CD37: variants seen among roughly 807,000 people sequenced by gnomAD.
CD37 encodes CD37 molecule.
In CD37, 37 loss-of-function variants were observed where a neutral mutation model predicts 38.9. The observed-to-expected ratio is 0.95, with a 90% CI of 0.73 to 1.25. CD37 has a LOEUF of 1.25. Ranked by LOEUF, CD37 falls within the 50% of genes most tolerant of loss-of-function variation. The pLI, the probability that CD37 is intolerant of heterozygous loss-of-function variation, is 0.00. For synonymous variants in CD37, 146 were observed against 150.1 expected (o/e 0.97, Z 0.20); for missense variants, 351 against 360.1 (o/e 0.97, Z 0.20).
Position 49,335,897 on chromosome 19 carries a change from G to A in CD37, c.142+111G>A. The A allele has an allele frequency of 1.2e-6, 1 of 864,848 alleles. No individual in the cohort carries two copies. Among genetic ancestry groups the A allele is most frequent in the Non-Finnish European group, 1.9e-6 (1 of 524,664 alleles). The allele number at this position is 864,848 out of a possible 1,614,324, so 53.6% of individuals were successfully genotyped here. A position where few individuals can be genotyped will look rare whatever the true frequency, so the allele number is the denominator to read the frequency against. ...GCCCTACTCTGCAGGCAGGCTACAG[G>A]CTCCCATCCACTGCTCACCGGAGGC... On this transcript the variant is annotated intron_variant, in intron 2 of 7. Transcript: ENST00000323906. The surrounding 1 kb of genome is among the most constrained non-coding windows in gnomAD (Gnocchi z 4.6).
intron 4 of CD37, chr19:49,337,659 C>T: frequency 2.0e-6 from 3 of 1,518,380 alleles, no homozygotes; most frequent in South Asian, 1.2e-5. Flanking sequence ...GGGAGACAGG[C>T]ATAAACAGCT....
In CD37 at chr19:49,338,836, A is replaced by T. The variant is rs746341276; in HGVS notation, c.584A>T (p.Lys195Met). ...SATNDSTILD[K>M]VILPQLSRLG... ...ACCAACGACTCCACAATCCTAGATA[A>T]GGTGATCTTGCCCCAGCTCAGCAGG... Residue 195 changes from lysine (K) to methionine (M), a missense_variant, in exon 6 of 8, where the codon AAG (lysine) becomes ATG (methionine). Physicochemically the swap from Lys to Met is moderately conservative, Grantham distance 95. Transcript: ENST00000323906. This position sits in a 1 kb window ranked among gnomAD's most constrained non-coding sequence, Gnocchi z 5.0. The T allele has an allele frequency of 2.7e-5, 44 of 1,614,118 alleles. No homozygotes were observed. Among genetic ancestry groups the T allele is most frequent in the Admixed American group, 3.3e-5 (2 of 60,022 alleles).
chr19:49,339,491 T>C lies in CD37; in HGVS notation c.768+78T>C. The C allele has an allele frequency of 6.5e-7, 1 of 1,542,858 alleles. No homozygotes were observed. The highest frequency in any genetic ancestry group is 1.1e-5 in the South Asian group (1 of 89,170). On this transcript the variant is annotated intron_variant, in intron 7 of 7. Coordinates refer to ENST00000323906, the MANE Select transcript of CD37 (RefSeq NM_001774.3). The surrounding 1 kb of genome is among the most constrained non-coding windows in gnomAD (Gnocchi z 4.5). ...TGCCCTTCATTTCGCGTCCTTCGGTTGCCTGGGAAGGACGAGCTCAGGGCG... is the reference window on the plus strand; with the variant it reads ...TGCCCTTCATTTCGCGTCCTTCGGTCGCCTGGGAAGGACGAGCTCAGGGCG...
chr19:49,340,389 G>C lies in CD37; in HGVS notation c.*61G>C. 1.8e-6 allele frequency: 2 copies of C among 1,134,554 alleles called. No individual in the cohort carries two copies. Among genetic ancestry groups the C allele is most frequent in the South Asian group, 2.5e-5 (2 of 81,234 alleles). The allele number at this position is 1,134,554 out of a possible 1,614,324, so 70.3% of individuals were successfully genotyped here. ...CACGTGCGCTGGGCACTTCCCTGCTGCCTGTAAATATTTGTTTAATCCCCA... is the reference window on the plus strand; with the variant it reads ...CACGTGCGCTGGGCACTTCCCTGCTCCCTGTAAATATTTGTTTAATCCCCA... On this transcript the variant is annotated 3_prime_UTR_variant, in exon 8 of 8. Coordinates refer to ENST00000323906, the MANE Select transcript of CD37 (RefSeq NM_001774.3).
chr19:49,339,817 G>T lies in CD37; in HGVS notation c.768+404G>T. The T allele has an allele frequency of 7.4e-7, 1 of 1,345,970 alleles. No homozygotes were observed. The highest frequency in any genetic ancestry group is 9.6e-7 in the Non-Finnish European group (1 of 1,046,448). 83.4% of individuals were successfully genotyped at this position (1,345,970 alleles called of 1,614,324 possible). ...CAGTCTGTGGGGTGGCTGGGGCATG[G>T]CGGGTGCCTGCCCCAACTGGGGAGA... On this transcript the variant is annotated intron_variant, in intron 7 of 7. Coordinates refer to ENST00000323906, the MANE Select transcript of CD37 (RefSeq NM_001774.3). This position sits in a 1 kb window ranked among gnomAD's most constrained non-coding sequence, Gnocchi z 4.5.
chr19:49,339,537 C>A lies in CD37; in HGVS notation c.768+124C>A. ...GGGCGGAGCGCAGCCCACCCCGGCC[C>A]TCCCGCCGCTCCACCCAGCACCGGA... is the stretch of plus-strand genomic sequence containing the variant. On this transcript the variant is annotated intron_variant, in intron 7 of 7. Transcript: ENST00000323906. This position sits in a 1 kb window ranked among gnomAD's most constrained non-coding sequence, Gnocchi z 4.5. The A allele has an allele frequency of 6.8e-7, 1 of 1,469,286 alleles. No individual in the cohort carries two copies. Among genetic ancestry groups the A allele is most frequent in the African/African-American group, 1.4e-5 (1 of 72,016 alleles). The allele number at this position is 1,469,286 out of a possible 1,614,324, so 91.0% of individuals were successfully genotyped here. A position where few individuals can be genotyped will look rare whatever the true frequency, so the allele number is the denominator to read the frequency against.
Position 49,339,599 on chromosome 19 carries a change from G to T in CD37, c.768+186G>T. The T allele has an allele frequency of 6.9e-7, 1 of 1,442,224 alleles. No homozygotes were observed. The highest frequency in any genetic ancestry group is 9.1e-7 in the Non-Finnish European group (1 of 1,103,158). The allele number at this position is 1,442,224 out of a possible 1,614,324, so 89.3% of individuals were successfully genotyped here. On this transcript the variant is annotated intron_variant, in intron 7 of 7. Transcript: ENST00000323906. This position sits in a 1 kb window ranked among gnomAD's most constrained non-coding sequence, Gnocchi z 4.5. Reference sequence around the variant, plus strand: ...GCCCAGCTTCAGGGAGCCCTGATTGGGTGTACGCAGGGAAAGCCTCCTGCT... The same window carrying T: ...GCCCAGCTTCAGGGAGCCCTGATTGTGTGTACGCAGGGAAAGCCTCCTGCT...
chr19:49,336,987 T>C lies in CD37; in HGVS notation c.221T>C (p.Leu74Pro), dbSNP rs147261609. Residue 74 changes from leucine (L) to proline (P), a missense_variant, in exon 3 of 8, where the codon CTG becomes CCG. Leu to Pro is a moderately conservative substitution (Grantham distance 98). Transcript: ENST00000323906. The part of the protein sequence containing the change: ...SGIFTMGIAL[L>P]GCVGALKELR... The stretch of plus-strand genomic sequence containing the variant: ...ATCTTCACCATGGGCATCGCCCTCC[T>C]GGGTTGTGTGGGGGCCCTCAAGGAG... The C allele has an allele frequency of 1.9e-6, 3 of 1,613,850 alleles. No individual in the cohort carries two copies. The highest frequency in any genetic ancestry group is 1.3e-5 in the African/African-American group (1 of 74,932).
intron 7 of CD37, 82 bp from the exon 8 acceptor site, chr19:49,340,169 G>A (rs535519912): frequency 1.3e-6 from 2 of 1,506,482 alleles, no homozygotes; most frequent in African/African-American, 1.4e-5. Context: ...CCCCACCCCT[G>A]ACCTTTCTCG....
chr19:49,337,738 A>G, intron 4 of CD37, 187 bp from the exon 5 acceptor site: 1 of 1,536,286 alleles, frequency 6.5e-7, no homozygotes, highest in Non-Finnish European at 8.7e-7. Context: ...GAAGAGACAG[A>G]GACTTATGAG....
rs1415543405 is a variant in CD37, at chr19:49,335,534, G to A, written c.-7G>A. Reference sequence around the variant, plus strand: ...GGTGAGTGGACCGCTTACCCCACTAGGTGAAGATGTCAGCCCAGGAGAGCT... The same window carrying A: ...GGTGAGTGGACCGCTTACCCCACTAAGTGAAGATGTCAGCCCAGGAGAGCT... On this transcript the variant is annotated 5_prime_UTR_variant, in exon 1 of 8. Transcript: ENST00000323906. This position sits in a 1 kb window ranked among gnomAD's most constrained non-coding sequence, Gnocchi z 4.6. 9.3e-6 allele frequency: 15 copies of A among 1,612,080 alleles called. No individual in the cohort carries two copies. The highest frequency in any genetic ancestry group is 1.3e-5 in the Non-Finnish European group (15 of 1,178,308).
chr19:49,337,880 G>C, intron 4 of CD37, 45 bp from the exon 5 acceptor site: 1 of 1,610,778 alleles, frequency 6.2e-7, no homozygotes, highest in Non-Finnish European at 8.5e-7. Context: ...AGGGGGAGGG[G>C]TGGGGCGGGG....
rs183045337 is a variant in CD37, at chr19:49,339,679, G to T, written c.768+266G>T. ...GCAGATGACTGTCATGGTGCTGAGC[G>T]TACAGCTACAGCGCAGGGCACTCCG... On this transcript the variant is annotated intron_variant, in intron 7 of 7. Transcript: ENST00000323906. This position sits in a 1 kb window ranked among gnomAD's most constrained non-coding sequence, Gnocchi z 4.5. The T allele has an allele frequency of 1.4e-6, 2 of 1,422,464 alleles. No individual in the cohort carries two copies. Among genetic ancestry groups the T allele is most frequent in the Non-Finnish European group, 1.8e-6 (2 of 1,093,126 alleles). 88.1% of individuals were successfully genotyped at this position (1,422,464 alleles called of 1,614,324 possible). A position where few individuals can be genotyped will look rare whatever the true frequency, so the allele number is the denominator to read the frequency against.
chr19:49,335,604 T>C lies in CD37; in HGVS notation c.64T>C (p.Phe22Leu). ...CTTCCTCTTCGTTTTCAACCTCTTC[T>C]TCTTCGTGAGTTGCCTCATGGCTAC... ...KYFLFVFNLF[F>L]FVLGSLIFCF... is the part of the protein sequence containing the mutation. Residue 22 changes from phenylalanine (F) to leucine (L), a missense_variant, in exon 1 of 8, where the codon TTC becomes CTC. Coordinates refer to ENST00000323906, the MANE Select transcript of CD37 (RefSeq NM_001774.3). The surrounding 1 kb of genome is among the most constrained non-coding windows in gnomAD (Gnocchi z 4.6). 1 of 1,613,886 alleles carries C rather than the reference T, an allele frequency of 6.2e-7. No homozygotes were observed. The highest frequency in any genetic ancestry group is 8.5e-7 in the Non-Finnish European group (1 of 1,179,778).
In CD37 at chr19:49,337,217, C is replaced by T. The variant is rs1337428522; in HGVS notation, c.338C>T (p.Ala113Val). Residue 113 changes from alanine (A) to valine (V), a missense_variant, in exon 4 of 8, where the codon GCC (alanine) becomes GTC (valine). Coordinates refer to ENST00000323906, the MANE Select transcript of CD37 (RefSeq NM_001774.3). Reference protein sequence around the residue: ...TLGILISTQRAQLERSLRDVV... With the variant: ...TLGILISTQRVQLERSLRDVV... ...GGAATCCTCATCTCCACTCAGCGGG[C>T]CCAGGTGAGCTTCCTGCAGTGGCCA... The T allele has an allele frequency of 6.2e-7, 1 of 1,613,928 alleles. No individual in the cohort carries two copies. The highest frequency in any genetic ancestry group is 1.1e-5 in the South Asian group (1 of 91,082).
Position 49,339,953 on chromosome 19 carries a change from A to G in CD37, c.769-298A>G. 7.1e-7 allele frequency: 1 copy of G among 1,399,348 alleles called. No individual in the cohort carries two copies. Among genetic ancestry groups the G allele is most frequent in the Non-Finnish European group, 9.3e-7 (1 of 1,076,720 alleles). 86.7% of individuals were successfully genotyped at this position (1,399,348 alleles called of 1,614,324 possible). A position where few individuals can be genotyped will look rare whatever the true frequency, so the allele number is the denominator to read the frequency against. Reference sequence around the variant, plus strand: ...GCGGGCGCAGAATTAGAGGAGGCACAATTAGAGGCTGAGGCAGAGGGGGAA... The same window carrying G: ...GCGGGCGCAGAATTAGAGGAGGCACGATTAGAGGCTGAGGCAGAGGGGGAA... On this transcript the variant is annotated intron_variant, in intron 7 of 7. Transcript: ENST00000323906. The surrounding 1 kb of genome is among the most constrained non-coding windows in gnomAD (Gnocchi z 4.5).
rs1273557192 is a variant in CD37, at chr19:49,339,739, G to A, written c.768+326G>A. On this transcript the variant is annotated intron_variant, in intron 7 of 7. Transcript: ENST00000323906. The surrounding 1 kb of genome is among the most constrained non-coding windows in gnomAD (Gnocchi z 4.5). ...CGAGCCGCACGTGCCGGGCGCTGGG[G>A]ATTCGAGCCCCGGGCCCAGCCTGAT... 2.2e-6 allele frequency: 3 copies of A among 1,388,156 alleles called. No individual in the cohort carries two copies. Among genetic ancestry groups the A allele is most frequent in the Non-Finnish European group, 2.8e-6 (3 of 1,075,378 alleles). 86.0% of individuals were successfully genotyped at this position (1,388,156 alleles called of 1,614,324 possible).
Position 49,338,885 on chromosome 19 carries a change from A to G in CD37, c.633A>G (p.Arg211=). The change falls in exon 6 of 8, where the codon AGA becomes AGG. Residue 211 remains arginine (R), a synonymous_variant. Transcript: ENST00000323906. This position sits in a 1 kb window ranked among gnomAD's most constrained non-coding sequence, Gnocchi z 5.0. The part of the protein sequence containing the change: ...LSRLGHLARS[R]HSADICAVPA... ...GGCTTGGACACCTGGCGCGGTCCAG[A>G]CACAGTGCAGACATCTGCGCTGTCC... The G allele has an allele frequency of 1.2e-6, 2 of 1,614,126 alleles. No individual in the cohort carries two copies. The highest frequency in any genetic ancestry group is 1.7e-6 in the Non-Finnish European group (2 of 1,180,022).
Position 49,339,554 on chromosome 19 carries a change from A to C in CD37, c.768+141A>C. 6 of 1,463,268 alleles carry C rather than the reference A, an allele frequency of 4.1e-6. No individual in the cohort carries two copies. The highest frequency in any genetic ancestry group is 5.5e-6 in the Non-Finnish European group (6 of 1,099,544). The allele number at this position is 1,463,268 out of a possible 1,614,324, so 90.6% of individuals were successfully genotyped here. A position where few individuals can be genotyped will look rare whatever the true frequency, so the allele number is the denominator to read the frequency against. On this transcript the variant is annotated intron_variant, in intron 7 of 7. Transcript: ENST00000323906. This position sits in a 1 kb window ranked among gnomAD's most constrained non-coding sequence, Gnocchi z 4.5. Reference sequence around the variant, plus strand: ...CCCCGGCCCTCCCGCCGCTCCACCCAGCACCGGAGGGTGGGGGCGGCCCAG... The same window carrying C: ...CCCCGGCCCTCCCGCCGCTCCACCCCGCACCGGAGGGTGGGGGCGGCCCAG...
Sources: gnomAD v4.1 joint callset for allele counts on GRCh38, gnomAD v4.1.1 for gene constraint, Gnocchi (gnomAD v3.1) non-coding constraint, MANE v1.5 for transcripts, NCBI Gene and HGNC (gene_info 2026-07-23, HGNC 2026-07-21) for gene names.